The following LDLRAD4 variants were observed in gnomAD, a reference collection of about 807,000 sequenced individuals.
The protein encoded by LDLRAD4 is low-density lipoprotein receptor class A domain-containing protein 4.
In LDLRAD4, 5 loss-of-function variants were observed where a neutral mutation model predicts 17.0. The observed-to-expected ratio is 0.29, with a 90% CI of 0.15 to 0.62. The LOEUF (loss-of-function observed/expected upper bound fraction) is 0.62. Ranked by LOEUF, LDLRAD4 falls within the 20% of genes least tolerant of loss-of-function variation. The pLI is 0.84. For missense variants in LDLRAD4, 340 were observed against 424.7 expected, an observed-to-expected ratio of 0.80 and a Z score of 1.75; for synonymous variants, 168 against 171.8, an observed-to-expected ratio of 0.98 and a Z score of 0.17.
intron 1 of LDLRAD4, among the ~76,000 whole-genome samples, chr18:13,238,347 T>C (rs2042439118): frequency 6.6e-6 from 1 of 152,226 alleles, no homozygotes; most frequent in African/African-American, 2.4e-5. Context: ...TTGCCTCTTG[T>C]TGATAGATTT....
At chr18:13,526,746 T>C (rs1362337301) in intron 3 of LDLRAD4, 1 of 152,272 alleles carries the variant, frequency 6.6e-6, no homozygotes, top group African/African-American at 2.4e-5. Context: ...TTTCCATTTA[T>C]ATGTGGGTGA....
intron 1 of LDLRAD4, among the ~76,000 whole-genome samples, chr18:13,263,475 A>T (rs1261002455): frequency 6.6e-6 from 1 of 152,172 alleles, no homozygotes; most frequent in African/African-American, 2.4e-5. Context: ...TGCAGCTAAC[A>T]CACAGAGCTG....
chr18:13,577,638 G>T (rs2094794027), intron 3 of LDLRAD4, among the ~76,000 whole-genome samples: 1 of 152,176 alleles, frequency 6.6e-6, no homozygotes, highest in African/African-American at 2.4e-5. Context: ...AGGGAGAGGG[G>T]AGCTCTGTGT....
rs200439389 is a variant in LDLRAD4, at chr18:13,645,168, G to A, written c.432G>A (p.Pro144=). ...GGTCCAGGGACAGGTTCACAGCGCC[G>A]TCCTTCATCCAGAGGGATCGCTTCA... The change falls in exon 6 of 6, where the codon CCG becomes CCA. Residue 144 remains proline (P), a synonymous_variant. Transcript: ENST00000359446. This position sits in a 1 kb window ranked among gnomAD's most constrained non-coding sequence, Gnocchi z 5.7. 73 of 1,613,790 alleles carry A rather than the reference G, an allele frequency of 4.5e-5. No homozygotes were observed. Among genetic ancestry groups the A allele is most frequent in the African/African-American group, 2.4e-4 (18 of 74,876 alleles).
intron 3 of LDLRAD4, among the ~76,000 whole-genome samples, chr18:13,475,287 G>A (rs1292629823): frequency 6.6e-6 from 1 of 152,174 alleles, no homozygotes; most frequent in Admixed American, 6.5e-5. Context: ...CTCACTCTGT[G>A]GCCCGGAGAC....
chr18:13,510,815 C>T (rs2093766408), intron 3 of LDLRAD4, among the ~76,000 whole-genome samples: 2 of 152,110 alleles, frequency 1.3e-5, no homozygotes, highest in African/African-American at 4.8e-5. Context: ...AGTATGGAAG[C>T]AGAGAGGCAC....
At chr18:13,439,542 G>A (rs148260182) in intron 3 of LDLRAD4, among the ~76,000 whole-genome samples, 291 of 152,334 alleles carry the variant, frequency 1.9e-3, no homozygotes, top group African/African-American at 6.6e-3. Flanking sequence ...GGAGGTTCAG[G>A]CTGGGCGCGT....
intron 2 of LDLRAD4, 25 bp downstream of exon 3, chr18:13,387,787 G>A (rs2085940507): frequency 1.9e-6 from 3 of 1,609,986 alleles, no homozygotes; most frequent in African/African-American, 1.3e-5. Flanking sequence ...GGTAATCCGA[G>A]GCTTTGCCTC....
At chr18:13,642,926 T>C (rs1185858603) in intron 4 of LDLRAD4, among the ~76,000 whole-genome samples, 3 of 118,060 alleles carry the variant, frequency 2.5e-5, no homozygotes, top group African/African-American at 5.0e-5. Flanking sequence ...TATCTATTTT[T>C]TGTTTTTTTT....
At chr18:13,355,601 T>G (rs2083289331) in intron 1 of LDLRAD4, among the ~76,000 whole-genome samples, 1 of 152,248 alleles carries the variant, frequency 6.6e-6, no homozygotes, top group South Asian at 2.1e-4. Flanking sequence ...GAAATCGCTT[T>G]GGTCACTACA....
chr18:13,429,913 C>T (rs2090212276), intron 2 of LDLRAD4, among the ~76,000 whole-genome samples: 2 of 152,188 alleles, frequency 1.3e-5, no homozygotes, highest in South Asian at 4.1e-4. Context: ...AAAGAGTTGC[C>T]TGAGGATACA....
intron 3 of LDLRAD4, among the ~76,000 whole-genome samples, chr18:13,516,793 G>C (rs746351971): frequency 6.6e-6 from 1 of 152,178 alleles, no homozygotes; most frequent in Non-Finnish European, 1.5e-5. Context: ...CTTTGAAGGA[G>C]AGTGGCCTTA....
chr18:13,612,816 C>A (rs369231718), intron 3 of LDLRAD4: 1 of 1,611,792 alleles, frequency 6.2e-7, no homozygotes, highest in East Asian at 2.2e-5. Context: ...CATGCTCTTT[C>A]GGGTTTGCTG....
intron 2 of LDLRAD4, among the ~76,000 whole-genome samples, chr18:13,429,984 G>A (rs1157542600): frequency 2.0e-5 from 3 of 152,156 alleles, no homozygotes; most frequent in Non-Finnish European, 2.9e-5. Context: ...GTCTCGGGGC[G>A]GTGGACTGTC....
chr18:13,448,266 T>C (rs997473239), intron 3 of LDLRAD4, among the ~76,000 whole-genome samples: 4 of 152,180 alleles, frequency 2.6e-5, no homozygotes, highest in African/African-American at 7.2e-5. Context: ...GTTAATTGTG[T>C]ATATTAACAC....
chr18:13,424,313 G>A (rs563805169), intron 2 of LDLRAD4, among the ~76,000 whole-genome samples: 1 of 152,294 alleles, frequency 6.6e-6, no homozygotes, highest in Non-Finnish European at 1.5e-5. Context: ...AGCAAAGTGT[G>A]TGCTGATTCT....
chr18:13,382,672 G>C (rs2085467705), intron 1 of LDLRAD4: 1 of 152,136 alleles, frequency 6.6e-6, no homozygotes, highest in African/African-American at 2.4e-5. Flanking sequence ...TGTGTAGAAT[G>C]ATGACCATGT....
intron 1 of LDLRAD4, among the ~76,000 whole-genome samples, chr18:13,355,618 A>T (rs2083290238): frequency 6.6e-6 from 1 of 152,058 alleles, no homozygotes; most frequent in South Asian, 2.1e-4. Flanking sequence ...TACAAAAGTG[A>T]CTTTTCATTT....
At chr18:13,625,979 C>T (rs566886539) in intron 4 of LDLRAD4, among the ~76,000 whole-genome samples, 2 of 151,798 alleles carry the variant, frequency 1.3e-5, no homozygotes, top group African/African-American at 4.8e-5. Flanking sequence ...AGCCAGTCAA[C>T]CTTTGTCGCC....
Sources: gnomAD v4.1 joint callset for allele counts (sites outside exome capture counted in the v4.1 genomes callset) on GRCh38, gnomAD v4.1.1 for gene constraint, Gnocchi (gnomAD v3.1) non-coding constraint, MANE v1.5 for transcripts, NCBI Gene and HGNC (gene_info 2026-07-23, HGNC 2026-07-21) for gene names.